Variants in DGLUCY observed in about 807,000 individuals in gnomAD.
DGLUCY encodes D-glutamate cyclase, mitochondrial.
A neutral mutation model predicts 58.5 loss-of-function variants in DGLUCY; 58 were observed. That is an observed-to-expected ratio of 0.99 (90% CI 0.80 to 1.23). The LOEUF is 1.23. DGLUCY is among the 50% of genes most tolerant of loss of function. DGLUCY has a pLI of 0.00. For missense variants in DGLUCY, 779 were observed against 784.7 expected, an observed-to-expected ratio of 0.99 and a Z score of 0.09; for synonymous variants, 325 against 314.1, an observed-to-expected ratio of 1.03 and a Z score of -0.37.
chr14:91,104,601 C>T (rs948470512), upstream of DGLUCY, among the ~76,000 whole-genome samples: 3 of 152,188 alleles, frequency 2.0e-5, no homozygotes, highest in Non-Finnish European at 1.5e-5. Context: ...CCACACTCAT[C>T]ACACCTAGCT....
intron 8 of DGLUCY, among the ~76,000 whole-genome samples, chr14:91,187,595 G>A (rs1021325756): frequency 6.6e-6 from 1 of 152,172 alleles, no homozygotes; most frequent in Admixed American, 6.5e-5. Context: ...AATTATGGGC[G>A]GCTCCCAGCA....
chr14:91,154,392 T>C (rs1242477167), intron 1 of DGLUCY, among the ~76,000 whole-genome samples: 1 of 152,204 alleles, frequency 6.6e-6, no homozygotes, highest in East Asian at 1.9e-4. Flanking sequence ...CAATCAGATA[T>C]GCATTTGTCT....
At chr14:91,224,653 C>T in intron 13 of DGLUCY, 31 bp from the exon 14 acceptor site, 2 of 1,563,640 alleles carry the variant, frequency 1.3e-6, no homozygotes, top group South Asian at 2.3e-5. Context: ...TCCCCCTCCA[C>T]TCCTTCTATT....
chr14:91,198,953 A>G (rs117297596), intron 10 of DGLUCY, among the ~76,000 whole-genome samples: 2,162 of 152,238 alleles, frequency 0.014, 27 homozygotes, highest in Non-Finnish European at 0.021. Flanking sequence ...CCACTATACC[A>G]TCTGTGCCCC....
At chr14:91,193,649 T>C (rs998217622) in intron 9 of DGLUCY, among the ~76,000 whole-genome samples, 2 of 152,120 alleles carry the variant, frequency 1.3e-5, no homozygotes, top group Non-Finnish European at 2.9e-5. Context: ...GAGACCAGCC[T>C]GGCCAACATG....
At chr14:91,111,663 T>C (rs997245280), upstream of DGLUCY, among the ~76,000 whole-genome samples, 6 of 152,240 alleles carry the variant, frequency 3.9e-5, no homozygotes, top group African/African-American at 1.4e-4. Flanking sequence ...AGATGGTGCC[T>C]TCTGGCTGTG....
Position 91,224,685 on chromosome 14 carries a change from A to G in DGLUCY, c.1718A>G (p.Glu573Gly), listed in dbSNP as rs757391511. ...TATTTCTGCCCTATTTTTTTCCAGG[A>G]AGAAAAAATGCTGGGCATCTTGGTG... Reference protein sequence around the residue: ...WTQALPSVIKEEKMLGILVQH... With the variant: ...WTQALPSVIKGEKMLGILVQH... The change falls in exon 14 of 14, where the codon GAA (glutamate) becomes GGA (glycine). Residue 573 changes from glutamate to glycine, a missense_variant and splice_region_variant. Coordinates refer to ENST00000256324, the MANE Select transcript of DGLUCY (RefSeq NM_001102368.3). The G allele has an allele frequency of 8.8e-6, 14 of 1,585,592 alleles. No individual in the cohort carries two copies. The highest frequency in any genetic ancestry group is 1.3e-5 in the African/African-American group (1 of 74,194).
chr14:91,135,073 A>T (rs192703478), intron 1 of DGLUCY, among the ~76,000 whole-genome samples: 1 of 151,720 alleles, frequency 6.6e-6, no homozygotes, highest in Admixed American at 6.6e-5. Context: ...ACAGCCGCAC[A>T]CCACCATGCC....
At chr14:91,180,487 G>A (rs563237582) in intron 7 of DGLUCY, among the ~76,000 whole-genome samples, 11 of 150,078 alleles carry the variant, frequency 7.3e-5, no homozygotes, top group South Asian at 6.3e-4. Context: ...CGGGAGAGTC[G>A]CTTGAACCCA....
intron 1 of DGLUCY, among the ~76,000 whole-genome samples, chr14:91,146,781 C>T (rs926661606): frequency 6.6e-6 from 1 of 152,180 alleles, no homozygotes; most frequent in African/African-American, 2.4e-5. Context: ...TGCAGGGAAG[C>T]GGACTGTGCT....
intron 10 of DGLUCY, among the ~76,000 whole-genome samples, chr14:91,197,770 C>T (rs369108643): frequency 9.2e-5 from 14 of 152,232 alleles, no homozygotes; most frequent in African/African-American, 2.6e-4. Flanking sequence ...GTGTATAGAC[C>T]ACATTATGTT....
intron 1 of DGLUCY, among the ~76,000 whole-genome samples, chr14:91,120,163 A>T (rs2140136470): frequency 6.6e-6 from 1 of 152,218 alleles, no homozygotes; most frequent in Non-Finnish European, 1.5e-5. Context: ...TAATACACTT[A>T]GTGTCCTCAG....
chr14:91,072,048 C>T (rs925262072), intron 1 of DGLUCY, among the ~76,000 whole-genome samples: 2 of 151,946 alleles, frequency 1.3e-5, no homozygotes, highest in Admixed American at 6.6e-5. Flanking sequence ...TCCAGCCAGG[C>T]GTTGGGGCTC....
At chr14:91,169,073 C>G (rs1265081568) in intron 4 of DGLUCY, among the ~76,000 whole-genome samples, 1 of 150,548 alleles carries the variant, frequency 6.6e-6, no homozygotes, top group African/African-American at 2.4e-5. Flanking sequence ...GGCAACAGAG[C>G]AAGACTCTGT....
At chr14:91,194,627 G>A (rs990448837) in intron 9 of DGLUCY, among the ~76,000 whole-genome samples, 29 of 150,898 alleles carry the variant, frequency 1.9e-4, no homozygotes, top group Non-Finnish European at 1.0e-4. Flanking sequence ...TGCAACCTCC[G>A]ACTCCCGGGT....
At position 91,190,798 on chromosome 14, in the gene DGLUCY, G is replaced by T. The variant is rs2049836320; in HGVS notation, c.1195+1628G>T. On this transcript the variant is annotated intron_variant, in intron 9 of 13. Coordinates refer to ENST00000256324, the MANE Select transcript of DGLUCY (RefSeq NM_001102368.3). Reference sequence around the variant, plus strand: ...GGACCCTGTGGGCAGCTGGGCTTTTGTTCTGGGTGAGATGGGGAGCCTGGG... The same window carrying T: ...GGACCCTGTGGGCAGCTGGGCTTTTTTTCTGGGTGAGATGGGGAGCCTGGG... Among the ~76,000 whole-genome samples the T allele has an allele frequency of 3.3e-5, 5 of 152,172 alleles. No individual in the cohort carries two copies. In the South Asian group the frequency reaches 1.0e-3, roughly 32 times the overall value.
At position 91,170,130 on chromosome 14, in the gene DGLUCY, G is replaced by T. The variant is rs773176728; in HGVS notation, c.385G>T (p.Glu129Ter). Residue 129 changes from glutamate (E) to a stop codon, truncating the protein, a stop_gained, in exon 5 of 14, where the codon GAG becomes TAG. Coordinates refer to ENST00000256324, the MANE Select transcript of DGLUCY (RefSeq NM_001102368.3). LOFTEE classifies it high-confidence loss of function. Reference sequence around the variant, plus strand: ...CTTCCTGGGCTGCAGCTTCTCCCTGGAGGAGGCCTTGGAGAAAGCGGGGCT... The same window carrying T: ...CTTCCTGGGCTGCAGCTTCTCCCTGTAGGAGGCCTTGGAGAAAGCGGGGCT... ...AFFLGCSFSL[E>*]EALEKAGLPR... The T allele has an allele frequency of 1.1e-5, 18 of 1,613,312 alleles. No homozygotes were observed. In the East Asian group the frequency reaches 4.0e-4, roughly 36 times the overall value.
chr14:91,218,032 G>A (rs1886852657), intron 13 of DGLUCY, among the ~76,000 whole-genome samples: 1 of 152,168 alleles, frequency 6.6e-6, no homozygotes, highest in Admixed American at 6.5e-5. Context: ...CCGAGTCTAG[G>A]TCTCTGTGAC....
At chr14:91,111,202 A>ATGTGTGTG (rs71120113), upstream of DGLUCY, among the ~76,000 whole-genome samples, 49 of 46,350 alleles carry the variant, frequency 1.1e-3, no homozygotes, top group African/African-American at 2.1e-3. Flanking sequence ...ATTTATATAT[A>ATGTGTGTG]TGTGTGTGTG....
Sources: allele counts gnomAD v4.1 joint callset (sites outside exome capture counted in the v4.1 genomes callset), GRCh38; gene constraint gnomAD v4.1.1; transcripts MANE v1.5; gene names NCBI Gene and HGNC (gene_info 2026-07-23, HGNC 2026-07-21).